Variants in PTPRN2 observed in about 807,000 individuals in gnomAD.
PTPRN2 encodes receptor-type tyrosine-protein phosphatase N2.
In PTPRN2, 74 loss-of-function variants were observed where a neutral mutation model predicts 118.8. The ratio of observed to expected loss-of-function variants is 0.62; its 90% CI spans 0.52 to 0.76. The LOEUF is 0.76. Ranked by LOEUF, PTPRN2 falls within the 30% of genes least tolerant of loss-of-function variation. The pLI, the probability that PTPRN2 is intolerant of heterozygous loss-of-function variation, is 0.00. For missense variants in PTPRN2, 1,481 were observed against 1,394.4 expected (o/e 1.06, Z -0.99); for synonymous variants, 641 against 608.0 (o/e 1.05, Z -0.80).
In PTPRN2 at chr7:157,964,999, G is replaced by A. The variant is rs1467720441; in HGVS notation, c.1724-66262C>T. 1.3e-5 allele frequency among the ~76,000 whole-genome samples: 2 copies of A among 152,204 alleles called. No homozygotes were observed. Among genetic ancestry groups the A allele is most frequent in the Non-Finnish European group, 2.9e-5 (2 of 68,032 alleles). On this transcript the variant is annotated intron_variant, in intron 11 of 22. Transcript: ENST00000389418. The surrounding 1 kb of genome is among the most constrained non-coding windows in gnomAD (Gnocchi z 9.0). ...ACAGGGATCTGAGGCACAAGGCAGG[G>A]CTGTCCCAGGCAAACAGGGACACCG...
chr7:158,112,317 C>T (rs898928660), intron 9 of PTPRN2, among the ~76,000 whole-genome samples: 6 of 152,150 alleles, frequency 3.9e-5, no homozygotes, highest in Admixed American at 2.0e-4. Context: ...AGTGGGGCCC[C>T]GTTTGAACAG....
At chr7:158,383,379 C>A (rs1317985130) in intron 2 of PTPRN2, among the ~76,000 whole-genome samples, 2 of 152,258 alleles carry the variant, frequency 1.3e-5, no homozygotes, top group African/African-American at 4.8e-5. Flanking sequence ...ATAATATCAT[C>A]CCTATAAACA....
intron 12 of PTPRN2, among the ~76,000 whole-genome samples, chr7:157,894,486 T>G (rs1248154838): frequency 6.5e-5 from 2 of 30,600 alleles, no homozygotes; most frequent in Non-Finnish European, 1.2e-4. Flanking sequence ...GGGGTGTGAG[T>G]TCCTGTGGAC....
intron 12 of PTPRN2, among the ~76,000 whole-genome samples, chr7:157,752,243 C>CA (rs1801515823): frequency 6.6e-6 from 1 of 152,200 alleles, no homozygotes; most frequent in South Asian, 2.1e-4. Context: ...TCGGCCATCA[C>CA]GGATGTAGCG....
chr7:158,184,950 C>A (rs1825019209), intron 5 of PTPRN2, among the ~76,000 whole-genome samples: 1 of 152,176 alleles, frequency 6.6e-6, no homozygotes, highest in South Asian at 2.1e-4. Context: ...AGGTTTCCGT[C>A]ATGGATGGAT....
chr7:158,526,805 G>A lies in PTPRN2; in HGVS notation c.113-37020C>T, dbSNP rs1248754123. Reference sequence around the variant, plus strand: ...TGCCAGCCAAGGGGAGAGGCCTCTGGGGGAACCTGCCCTGCCGTGCTCTCA... The same window carrying A: ...TGCCAGCCAAGGGGAGAGGCCTCTGAGGGAACCTGCCCTGCCGTGCTCTCA... On this transcript the variant is annotated intron_variant, in intron 1 of 22. Transcript: ENST00000389418. This position sits in a 1 kb window ranked among gnomAD's most constrained non-coding sequence, Gnocchi z 5.2. Among the ~76,000 whole-genome samples the A allele has an allele frequency of 1.3e-5, 2 of 152,062 alleles. No homozygotes were observed. Among genetic ancestry groups the A allele is most frequent in the Non-Finnish European group, 2.9e-5 (2 of 68,008 alleles).
At chr7:158,578,389 G>T (rs746504132) in intron 1 of PTPRN2, among the ~76,000 whole-genome samples, 2 of 151,512 alleles carry the variant, frequency 1.3e-5, no homozygotes, top group Non-Finnish European at 2.9e-5. Flanking sequence ...AGGAGTTCAA[G>T]CCAGGCATGG....
At chr7:158,050,430 C>T (rs1809237273) in intron 11 of PTPRN2, among the ~76,000 whole-genome samples, 1 of 152,238 alleles carries the variant, frequency 6.6e-6, no homozygotes, top group African/African-American at 2.4e-5. Flanking sequence ...ATGCCTTTTA[C>T]TGACTCCCAT....
At chr7:158,577,133 G>T (rs1346098704) in intron 1 of PTPRN2, among the ~76,000 whole-genome samples, 3 of 82,872 alleles carry the variant, frequency 3.6e-5, no homozygotes, top group East Asian at 4.0e-4. Context: ...CAGCCCTCCT[G>T]AATGCCACAG....
intron 12 of PTPRN2, among the ~76,000 whole-genome samples, chr7:157,754,406 T>C (rs540225724): frequency 6.6e-6 from 1 of 152,254 alleles, no homozygotes; most frequent in South Asian, 2.1e-4. Context: ...CCAAACAGGG[T>C]GGTCCAAGCA....
At chr7:158,200,325 C>T (rs1279703626) in intron 4 of PTPRN2, among the ~76,000 whole-genome samples, 2 of 152,186 alleles carry the variant, frequency 1.3e-5, no homozygotes, top group African/African-American at 4.8e-5. Context: ...AAGGGAGATG[C>T]AGGCACCATT....
intron 6 of PTPRN2, among the ~76,000 whole-genome samples, chr7:158,142,515 T>A (rs956272467): frequency 6.6e-6 from 1 of 152,204 alleles, no homozygotes; most frequent in Non-Finnish European, 1.5e-5. Flanking sequence ...AAACCTGCCG[T>A]TTAAAACAGA....
At chr7:157,571,548 C>G in intron 19 of PTPRN2, 55 bp from the exon 20 acceptor site, 2 of 1,338,346 alleles carry the variant, frequency 1.5e-6, no homozygotes, top group Non-Finnish European at 2.1e-6. Context: ...TTTGCGTTAT[C>G]CAAAACAACT....
intron 13 of PTPRN2, among the ~76,000 whole-genome samples, chr7:157,659,299 C>G (rs1218209210): frequency 1.0e-5 from 1 of 97,110 alleles, no homozygotes; most frequent in Non-Finnish European, 2.0e-5. Context: ...AGGATGACTG[C>G]GGGGACGGGG....
At chr7:158,578,236 T>C (rs900028604) in intron 1 of PTPRN2, among the ~76,000 whole-genome samples, 2 of 152,122 alleles carry the variant, frequency 1.3e-5, no homozygotes, top group Non-Finnish European at 2.9e-5. Context: ...TATTATACTT[T>C]CTACTCAAAC....
At chr7:157,693,321 G>A (rs1266817725) in intron 12 of PTPRN2, among the ~76,000 whole-genome samples, 2 of 152,046 alleles carry the variant, frequency 1.3e-5, no homozygotes, top group Admixed American at 6.5e-5. Flanking sequence ...GGAGGGGATC[G>A]CAGAACCCTA....
chr7:157,802,334 C>T (rs1048484853), intron 12 of PTPRN2, among the ~76,000 whole-genome samples: 3 of 152,224 alleles, frequency 2.0e-5, no homozygotes, highest in Admixed American at 1.3e-4. Flanking sequence ...CGTCGTGCAG[C>T]CTCTGTCCTG....
intron 12 of PTPRN2, among the ~76,000 whole-genome samples, chr7:157,689,079 C>T (rs1321219041): frequency 6.6e-6 from 1 of 152,206 alleles, no homozygotes; most frequent in African/African-American, 2.4e-5. Flanking sequence ...GCGCTCGCAG[C>T]CCCCGGGCGG....
intron 14 of PTPRN2, among the ~76,000 whole-genome samples, chr7:157,624,625 T>G (rs571695396): frequency 6.6e-5 from 10 of 152,224 alleles, no homozygotes; most frequent in Non-Finnish European, 1.0e-4. Context: ...AATGGTTGCA[T>G]GGGTACTTGA....
Sources: gnomAD v4.1 joint callset for allele counts (sites outside exome capture counted in the v4.1 genomes callset) on GRCh38, gnomAD v4.1.1 for gene constraint, Gnocchi (gnomAD v3.1) non-coding constraint, MANE v1.5 for transcripts, NCBI Gene and HGNC (gene_info 2026-07-23, HGNC 2026-07-21) for gene names.